The following BACE2 variants were observed in gnomAD, a reference collection of about 807,000 sequenced individuals.
BACE2 encodes the protein beta-secretase 2, also known as 56 kDa aspartic-like protease.
BACE2 carries 17 observed loss-of-function variants against 46.2 expected under a neutral mutation model. The ratio of observed to expected loss-of-function variants is 0.37; its 90% CI spans 0.25 to 0.55. The LOEUF is 0.55. Ranked by LOEUF, BACE2 falls within the 20% of genes least tolerant of loss-of-function variation. BACE2 has a pLI of 0.82. For missense variants in BACE2, 595 were observed against 698.1 expected, an observed-to-expected ratio of 0.85 and a Z score of 1.66; for synonymous variants, 277 against 295.9, an observed-to-expected ratio of 0.94 and a Z score of 0.66.
chr21:41,169,518 A>T, intron 1 of BACE2, among the ~76,000 whole-genome samples: 1 of 150,612 alleles, frequency 6.6e-6, no homozygotes, highest in Non-Finnish European at 1.5e-5. Flanking sequence ...TCCAAGTGGG[A>T]TTTGAAGTCC....
intron 1 of BACE2, among the ~76,000 whole-genome samples, chr21:41,187,955 G>A (rs185828853): frequency 2.9e-4 from 44 of 152,256 alleles, no homozygotes; most frequent in Admixed American, 4.6e-4. Flanking sequence ...AATTTACTAC[G>A]TAGTAGTTCC....
chr21:41,170,061 CAT>C (rs1291302420), intron 1 of BACE2, among the ~76,000 whole-genome samples: 1 of 152,134 alleles, frequency 6.6e-6, no homozygotes, highest in African/African-American at 2.4e-5. Context: ...CCCCATTGGA[CAT>C]GTGTGCTTTG....
At chr21:41,178,967 G>C (rs1014450738) in intron 1 of BACE2, 2 of 652,070 alleles carry the variant, frequency 3.1e-6, no homozygotes, top group Non-Finnish European at 4.4e-6. Flanking sequence ...AGACCTCTCT[G>C]AGGAGGTGCA....
intron 1 of BACE2, among the ~76,000 whole-genome samples, chr21:41,210,595 A>C (rs1986268277): frequency 6.6e-6 from 1 of 152,158 alleles, no homozygotes; most frequent in Non-Finnish European, 1.5e-5. Context: ...ACAGACGCAG[A>C]CTGACCCCGT....
intron 7 of BACE2, among the ~76,000 whole-genome samples, chr21:41,253,756 T>A (rs991991605): frequency 3.9e-5 from 6 of 152,200 alleles, no homozygotes; most frequent in Admixed American, 3.9e-4. Flanking sequence ...GAGCATTTCA[T>A]CTCATTTGCA....
intron 1 of BACE2, chr21:41,181,640 T>C (rs190143726): frequency 1.2e-5 from 2 of 167,048 alleles, no homozygotes; most frequent in African/African-American, 4.8e-5. Context: ...GAGATATAGA[T>C]GCCCAACTTC....
At chr21:41,194,424 A>G (rs1400946490) in intron 1 of BACE2, among the ~76,000 whole-genome samples, 1 of 152,166 alleles carries the variant, frequency 6.6e-6, no homozygotes, top group Non-Finnish European at 1.5e-5. Flanking sequence ...CTCTGGCCTG[A>G]AGCTTTTTGC....
At chr21:41,226,957 G>C (rs555721768) in intron 2 of BACE2, among the ~76,000 whole-genome samples, 2 of 152,322 alleles carry the variant, frequency 1.3e-5, no homozygotes, top group Admixed American at 1.3e-4. Flanking sequence ...AGAAAAAAAA[G>C]TGTAGCCTGA....
At chr21:41,171,624 T>G (rs1984613909) in intron 1 of BACE2, among the ~76,000 whole-genome samples, 1 of 152,228 alleles carries the variant, frequency 6.6e-6, no homozygotes, top group South Asian at 2.1e-4. Flanking sequence ...CAATTTGGTC[T>G]TATTAATAAT....
intron 8 of BACE2, among the ~76,000 whole-genome samples, chr21:41,263,749 G>A (rs726980): frequency 0.21 from 31,377 of 152,048 alleles, 3,780 homozygotes; most frequent in African/African-American, 0.35. Context: ...CTTAGTTACC[G>A]GTAAGACTGC....
intron 1 of BACE2, among the ~76,000 whole-genome samples, chr21:41,215,217 G>A (rs576440879): frequency 1.3e-5 from 2 of 152,324 alleles, no homozygotes; most frequent in African/African-American, 2.4e-5. Context: ...GACCGCAAAG[G>A]GGGAAGGAAC....
intron 1 of BACE2, chr21:41,184,438 T>G (rs1452695653): frequency 6.0e-6 from 1 of 167,092 alleles, no homozygotes; most frequent in African/African-American, 2.4e-5. Context: ...CTTTTCTGGT[T>G]TATCTGAAAA....
intron 1 of BACE2, among the ~76,000 whole-genome samples, chr21:41,197,820 A>G (rs60235667): frequency 0.012 from 1,857 of 152,276 alleles, 34 homozygotes; most frequent in African/African-American, 0.042. Flanking sequence ...ATGAGGGCAG[A>G]GCCAGGATTT....
intron 1 of BACE2, among the ~76,000 whole-genome samples, chr21:41,212,322 C>G (rs1279338673): frequency 2.6e-5 from 4 of 152,120 alleles, no homozygotes; most frequent in Non-Finnish European, 5.9e-5. Flanking sequence ...TCTTAGGGCC[C>G]CACACTCATG....
intron 1 of BACE2, among the ~76,000 whole-genome samples, chr21:41,170,910 C>G (rs1416892076): frequency 6.6e-6 from 1 of 152,180 alleles, no homozygotes; most frequent in Non-Finnish European, 1.5e-5. Flanking sequence ...CCACCCACCA[C>G]CCCTCGGGGG....
In BACE2 at chr21:41,277,628, G is replaced by A. The variant is rs2088505166; in HGVS notation, c.*2004G>A. ...TTCAAAGCCCTGAAATAAGAGGAGGGAATCGCAGACATGCCCTGATTAGTT... is the reference window on the plus strand; with the variant it reads ...TTCAAAGCCCTGAAATAAGAGGAGGAAATCGCAGACATGCCCTGATTAGTT... On this transcript the variant is annotated 3_prime_UTR_variant, in exon 9 of 9. Coordinates refer to ENST00000330333, the MANE Select transcript of BACE2 (RefSeq NM_012105.5). The A allele has an allele frequency of 6.6e-6, 1 of 152,218 alleles. No homozygotes were observed. Among genetic ancestry groups the A allele is most frequent in the Non-Finnish European group, 1.5e-5 (1 of 68,076 alleles). 9.4% of individuals were successfully genotyped at this position (152,218 alleles called of 1,614,324 possible).
At chr21:41,200,740 A>T (rs1267413656) in intron 1 of BACE2, among the ~76,000 whole-genome samples, 1 of 152,132 alleles carries the variant, frequency 6.6e-6, no homozygotes, top group East Asian at 1.9e-4. Flanking sequence ...GACACCAGGG[A>T]TGTGCGCAGA....
At chr21:41,214,505 C>A (rs1042489111) in intron 1 of BACE2, among the ~76,000 whole-genome samples, 3 of 152,132 alleles carry the variant, frequency 2.0e-5, no homozygotes, top group African/African-American at 7.2e-5. Context: ...CAGTTTTCAT[C>A]GTGGGGGCAT....
chr21:41,192,190 C>A (rs1326398917), intron 1 of BACE2, among the ~76,000 whole-genome samples: 1 of 152,198 alleles, frequency 6.6e-6, no homozygotes. Context: ...GCATATCATG[C>A]AGAACCATCT....
Sources: allele counts gnomAD v4.1 joint callset (sites outside exome capture counted in the v4.1 genomes callset), GRCh38; gene constraint gnomAD v4.1.1; transcripts MANE v1.5; gene names NCBI Gene and HGNC (gene_info 2026-07-23, HGNC 2026-07-21).